Variants in ERBIN observed in about 807,000 individuals in gnomAD.
The protein encoded by ERBIN is densin-180-like protein.
ERBIN carries 60 observed loss-of-function variants against 158.4 expected under a neutral mutation model. That is an observed-to-expected ratio of 0.38 (90% CI 0.31 to 0.47). The LOEUF (loss-of-function observed/expected upper bound fraction) is 0.47. ERBIN is among the 20% of genes least tolerant of loss of function. ERBIN has a pLI of 0.99. For missense variants in ERBIN, 1,610 were observed against 1,648.0 expected (o/e 0.98, Z 0.40); for synonymous variants, 594 against 557.2 (o/e 1.07, Z -0.93).
In ERBIN at chr5:66,043,210, C is replaced by T; in HGVS notation, c.1428+12C>T. ...AGGCACCTCCCAGGGTGAGTCTGTT[C>T]TTTATTCTTTAAAATTTGAAACAAG... On this transcript the variant is annotated intron_variant, in intron 16 of 25. Transcript: ENST00000284037. 1.2e-6 allele frequency: 2 copies of T among 1,608,068 alleles called. No homozygotes were observed. Among genetic ancestry groups the T allele is most frequent in the South Asian group, 1.1e-5 (1 of 90,310 alleles).
chr5:65,941,621 G>A (rs1745056357), intron 1 of ERBIN, among the ~76,000 whole-genome samples: 1 of 152,144 alleles, frequency 6.6e-6, no homozygotes, highest in Non-Finnish European at 1.5e-5. Flanking sequence ...TAGGCTTGAT[G>A]TAATTTACAT....
chr5:65,993,399 A>T (rs1192181662), intron 3 of ERBIN, among the ~76,000 whole-genome samples: 1 of 152,182 alleles, frequency 6.6e-6, no homozygotes, highest in Non-Finnish European at 1.5e-5. Flanking sequence ...TGGAGGACTT[A>T]ACATTTCTGA....
chr5:65,988,454 T>C lies in ERBIN; in HGVS notation c.-57-181T>C. 1.3e-5 allele frequency among the ~76,000 whole-genome samples: 2 copies of C among 152,200 alleles called. 1 individual carries two copies. Among genetic ancestry groups the C allele is most frequent in the South Asian group, 4.1e-4 (2 of 4,824 alleles). Reference sequence around the variant, plus strand: ...GTGTGTGCATACACTTGTGTGTACGTTTTTAAGAGGCTAATATTTTGGTTT... The same window carrying C: ...GTGTGTGCATACACTTGTGTGTACGCTTTTAAGAGGCTAATATTTTGGTTT... On this transcript the variant is annotated intron_variant, in intron 1 of 25. Coordinates refer to ENST00000284037, the MANE Select transcript of ERBIN (RefSeq NM_001253697.2).
intron 1 of ERBIN, among the ~76,000 whole-genome samples, chr5:65,973,292 T>A (rs924123539): frequency 2.6e-5 from 4 of 151,070 alleles, no homozygotes; most frequent in Non-Finnish European, 5.9e-5. Flanking sequence ...TTAGGAGATA[T>A]ACCCAATGTA....
intron 17 of ERBIN, 48 bp from the exon 18 acceptor site, chr5:66,046,305 G>A: frequency 9.1e-7 from 1 of 1,102,050 alleles, no homozygotes; most frequent in Non-Finnish European, 1.2e-6. Flanking sequence ...TTTTAAAATA[G>A]ATATAAAACT....
chr5:66,016,462 G>GT (rs1248007706), intron 7 of ERBIN, among the ~76,000 whole-genome samples: 5 of 151,994 alleles, frequency 3.3e-5, no homozygotes, highest in African/African-American at 1.2e-4. Context: ...TTTTATTGAG[G>GT]TAAAATATGT....
chr5:65,953,680 CT>C (rs1345517653), intron 1 of ERBIN, among the ~76,000 whole-genome samples: 1 of 152,196 alleles, frequency 6.6e-6, no homozygotes, highest in Non-Finnish European at 1.5e-5. Flanking sequence ...GATAGTTCTA[CT>C]TAACCCACCC....
rs1755667465 is a variant in ERBIN at position 66,021,388 on chromosome 5, A to G, written c.597+3A>G. On this transcript the variant is annotated splice_donor_region_variant and intron_variant, in intron 8 of 25. Transcript: ENST00000284037. ...GAAGTAACGAATTCACGGAAGTGGTAAGTTCTCATCAGTCTCACTTTCCCT... is the reference window on the plus strand; with the variant it reads ...GAAGTAACGAATTCACGGAAGTGGTGAGTTCTCATCAGTCTCACTTTCCCT... The G allele has an allele frequency of 6.3e-7, 1 of 1,591,250 alleles. No individual in the cohort carries two copies. The highest frequency in any genetic ancestry group is 8.6e-7 in the Non-Finnish European group (1 of 1,163,322).
At chr5:65,980,987 G>T (rs1580240535) in intron 1 of ERBIN, among the ~76,000 whole-genome samples, 1 of 152,170 alleles carries the variant, frequency 6.6e-6, no homozygotes, top group Admixed American at 6.5e-5. Flanking sequence ...CCCAAGAGAG[G>T]CAGTATGTGA....
chr5:66,078,940 C>T lies in ERBIN; in HGVS notation c.*410C>T, dbSNP rs1762249207. The T allele has an allele frequency of 5.9e-6, 1 of 168,070 alleles. No individual in the cohort carries two copies. Among genetic ancestry groups the T allele is most frequent in the South Asian group, 1.5e-4 (1 of 6,470 alleles). 10.4% of individuals were successfully genotyped at this position (168,070 alleles called of 1,614,324 possible). On this transcript the variant is annotated 3_prime_UTR_variant, in exon 26 of 26. Transcript: ENST00000284037. ...CTTTTATGCCCTTATTTTTATTCAACTGGTATTAATGTTTTTCTCCTGAAA... is the reference window on the plus strand; with the variant it reads ...CTTTTATGCCCTTATTTTTATTCAATTGGTATTAATGTTTTTCTCCTGAAA...
rs1755664466 is a variant in ERBIN at position 66,021,358 on chromosome 5, T to C, written c.570T>C (p.Asp190=). The change falls in exon 8 of 26, where the codon GAT becomes GAC. Residue 190 remains aspartate, a synonymous_variant. Coordinates refer to ENST00000284037, the MANE Select transcript of ERBIN (RefSeq NM_001253697.2). ...GACTGACCCAGCTGGAAAGACTGGA[T>C]TTGGGAAGTAACGAATTCACGGAAG... ...MNRLTQLERL[D]LGSNEFTEVP... 6.2e-7 allele frequency: 1 copy of C among 1,604,034 alleles called. No individual in the cohort carries two copies. Among genetic ancestry groups the C allele is most frequent in the Non-Finnish European group, 8.5e-7 (1 of 1,173,288 alleles).
rs1681026354 is a variant in ERBIN, at chr5:65,943,883, AT to A, written c.-58+17080del. Reference sequence around the variant, plus strand: ...AGCCTCCTAGCCGCTGGCAGCTACCATTTAACTTTCTGTGTCTATTATTTTG... The same window carrying A: ...AGCCTCCTAGCCGCTGGCAGCTACCATTAACTTTCTGTGTCTATTATTTTG... On this transcript the variant is annotated intron_variant, in intron 1 of 25. Coordinates refer to ENST00000284037, the MANE Select transcript of ERBIN (RefSeq NM_001253697.2). Among the ~76,000 whole-genome samples the A allele has an allele frequency of 2.0e-5, 3 of 152,196 alleles. No individual in the cohort carries two copies. In the South Asian group the frequency reaches 6.2e-4, roughly 31 times the overall value.
At chr5:65,959,936 A>T (rs1747729295) in intron 1 of ERBIN, among the ~76,000 whole-genome samples, 1 of 152,212 alleles carries the variant, frequency 6.6e-6, no homozygotes, top group Non-Finnish European at 1.5e-5. Flanking sequence ...ACCTTCAAAA[A>T]GTGTTGATAC....
intron 7 of ERBIN, among the ~76,000 whole-genome samples, chr5:66,017,903 A>G (rs1036624755): frequency 2.0e-5 from 3 of 152,210 alleles, no homozygotes; most frequent in East Asian, 3.9e-4. Flanking sequence ...TTCTGCATAT[A>G]GTTATCAAGT....
At chr5:65,977,710 C>G (rs370445241) in intron 1 of ERBIN, among the ~76,000 whole-genome samples, 2 of 146,500 alleles carry the variant, frequency 1.4e-5, no homozygotes, top group African/African-American at 5.1e-5. Flanking sequence ...ACTTCCCAGA[C>G]GATGGGCGGC....
chr5:65,991,845 A>G (rs1005120983), intron 2 of ERBIN, among the ~76,000 whole-genome samples: 6 of 152,200 alleles, frequency 3.9e-5, no homozygotes, highest in African/African-American at 1.2e-4. Context: ...TTTAAGACAT[A>G]TAAGTTCTTT....
At chr5:65,932,076 C>T (rs1743485195) in intron 1 of ERBIN, among the ~76,000 whole-genome samples, 1 of 151,944 alleles carries the variant, frequency 6.6e-6, no homozygotes, top group Non-Finnish European at 1.5e-5. Context: ...CCTCGGCCTC[C>T]CAAAGTGCTG....
intron 12 of ERBIN, 139 bp downstream of exon 12, chr5:66,026,116 T>C (rs1756213424): frequency 1.2e-6 from 1 of 840,720 alleles, no homozygotes; most frequent in African/African-American, 1.8e-5. Flanking sequence ...TAATTAGCTA[T>C]GTTAATTTAG....
At chr5:65,948,147 G>A (rs188026140) in intron 1 of ERBIN, among the ~76,000 whole-genome samples, 1 of 150,926 alleles carries the variant, frequency 6.6e-6, no homozygotes, top group Non-Finnish European at 1.5e-5. Flanking sequence ...TTTTTCATGA[G>A]TTCTTTTTTG....
Sources: gnomAD v4.1 joint callset for allele counts (sites outside exome capture counted in the v4.1 genomes callset) on GRCh38, gnomAD v4.1.1 for gene constraint, MANE v1.5 for transcripts, NCBI Gene and HGNC (gene_info 2026-07-23, HGNC 2026-07-21) for gene names.